The following ALK variants were observed in gnomAD, a reference collection of about 807,000 sequenced individuals.
ALK encodes the protein ALK tyrosine kinase receptor.
Under a neutral mutation model 163.1 loss-of-function variants are expected in ALK, and 74 were observed. The observed-to-expected ratio is 0.45, with a 90% CI of 0.38 to 0.55. The LOEUF (loss-of-function observed/expected upper bound fraction) is 0.55. Ranked by LOEUF, ALK falls within the 20% of genes least tolerant of loss-of-function variation. The probability of loss-of-function intolerance (pLI) is 0.00; values close to 1 mark genes in which losing one functional copy is unlikely to be tolerated. For synonymous variants in ALK, 960 were observed against 843.2 expected, an observed-to-expected ratio of 1.14 and a Z score of -2.40; for missense variants, 2,063 against 2,105.3, an observed-to-expected ratio of 0.98 and a Z score of 0.39.
intron 4 of ALK, among the ~76,000 whole-genome samples, chr2:29,448,520 T>G (rs11686232): frequency 0.86 from 131,296 of 152,126 alleles, 57,113 homozygotes; most frequent in Non-Finnish European, 0.93. Context: ...TTGCACAGGT[T>G]GGGAAATAAC....
At chr2:29,264,365 T>A (rs1558644419) in intron 11 of ALK, among the ~76,000 whole-genome samples, 1 of 152,226 alleles carries the variant, frequency 6.6e-6, no homozygotes, top group African/African-American at 2.4e-5. Flanking sequence ...GAACCTGAAG[T>A]TTTTTTCCCT....
At chr2:29,741,632 TC>T (rs746028058) in intron 1 of ALK, among the ~76,000 whole-genome samples, 40 of 152,180 alleles carry the variant, frequency 2.6e-4, no homozygotes, top group Non-Finnish European at 5.4e-4. Context: ...AGCCCATGTC[TC>T]CCCTGGTGAC....
intron 4 of ALK, among the ~76,000 whole-genome samples, chr2:29,473,770 C>A (rs568083834): frequency 1.3e-5 from 2 of 152,152 alleles, no homozygotes; most frequent in African/African-American, 4.8e-5. Flanking sequence ...GCAGGAGAAT[C>A]GCTTGAATCT....
At chr2:29,233,453 T>C (rs1163936416) in intron 14 of ALK, 112 bp downstream of exon 14, 1 of 1,523,284 alleles carries the variant, frequency 6.6e-7, no homozygotes, top group East Asian at 2.3e-5. Context: ...GCCCTGCTCA[T>C]CTTTACACGG....
At chr2:29,367,578 T>C (rs985630782) in intron 5 of ALK, among the ~76,000 whole-genome samples, 7 of 152,222 alleles carry the variant, frequency 4.6e-5, no homozygotes, top group Non-Finnish European at 7.3e-5. Context: ...TTCTGTTCCA[T>C]TGTAAGATCC....
chr2:29,642,049 C>T (rs1467620246), intron 3 of ALK, among the ~76,000 whole-genome samples: 1 of 152,130 alleles, frequency 6.6e-6, no homozygotes, highest in African/African-American at 2.4e-5. Context: ...GCTTGGATGA[C>T]CTCTCAAGTT....
intron 4 of ALK, among the ~76,000 whole-genome samples, chr2:29,509,878 C>T (rs549503188): frequency 3.3e-5 from 5 of 152,206 alleles, no homozygotes; most frequent in African/African-American, 1.2e-4. Flanking sequence ...ACAAGGCAAT[C>T]GAAAGGTAGT....
At chr2:29,396,222 G>A (rs983945955) in intron 4 of ALK, among the ~76,000 whole-genome samples, 3 of 152,256 alleles carry the variant, frequency 2.0e-5, no homozygotes, top group South Asian at 2.1e-4. Flanking sequence ...GGATAATAAC[G>A]CTGTTGCAGG....
In ALK at chr2:29,651,359, G is replaced by C. The variant is rs116965789; in HGVS notation, c.952+43491C>G. ...TAAATTATGATACCTTAAACATTCT[G>C]TTTTAACTAACACACACACACATAT... On this transcript the variant is annotated intron_variant, in intron 3 of 28. Transcript: ENST00000389048. 1.1e-3 allele frequency among the ~76,000 whole-genome samples: 160 copies of C among 152,250 alleles called. 2 individuals are homozygous for C. In the East Asian group the frequency reaches 0.026, roughly 25 times the overall value.
chr2:29,741,926 G>C (rs1680071962), intron 1 of ALK, among the ~76,000 whole-genome samples: 1 of 152,206 alleles, frequency 6.6e-6, no homozygotes, highest in Non-Finnish European at 1.5e-5. Flanking sequence ...CACCCAAAGT[G>C]CTGGGACTAA....
chr2:29,770,624 T>C (rs758463750), intron 1 of ALK, among the ~76,000 whole-genome samples: 16 of 152,136 alleles, frequency 1.1e-4, no homozygotes, highest in Non-Finnish European at 2.9e-5. Flanking sequence ...AGAAGATAAA[T>C]TACATTTGTG....
intron 5 of ALK, among the ~76,000 whole-genome samples, chr2:29,337,341 CG>C (rs1205701636): frequency 1.3e-5 from 2 of 152,090 alleles, no homozygotes; most frequent in Non-Finnish European, 2.9e-5. Context: ...ATCATGATTC[CG>C]GGAAGTGGGA....
intron 28 of ALK, among the ~76,000 whole-genome samples, chr2:29,195,112 CTG>C (rs774737210): frequency 6.6e-6 from 1 of 152,158 alleles, no homozygotes; most frequent in Non-Finnish European, 1.5e-5. Flanking sequence ...TTAGTTCCCT[CTG>C]TGTTTTAGTA....
intron 12 of ALK, among the ~76,000 whole-genome samples, chr2:29,245,731 A>C (rs1281972221): frequency 7.6e-6 from 1 of 131,624 alleles, no homozygotes. Flanking sequence ...TCCATGGCTC[A>C]GTGCCCTGCA....
intron 4 of ALK, among the ~76,000 whole-genome samples, chr2:29,464,798 C>A (rs1671168375): frequency 6.6e-6 from 1 of 152,004 alleles, no homozygotes; most frequent in South Asian, 2.1e-4. Flanking sequence ...GACAGCTCCC[C>A]CAACAAAGTA....
intron 5 of ALK, among the ~76,000 whole-genome samples, chr2:29,362,658 TCCC>T (rs1460493233): frequency 1.3e-5 from 2 of 152,130 alleles, no homozygotes; most frequent in Non-Finnish European, 2.9e-5. Flanking sequence ...CACTGCATCC[TCCC>T]CCATTTCCAC....
intron 3 of ALK, among the ~76,000 whole-genome samples, chr2:29,685,086 G>C (rs1238093732): frequency 6.6e-6 from 1 of 152,160 alleles, no homozygotes; most frequent in Non-Finnish European, 1.5e-5. Flanking sequence ...GGAATCAATT[G>C]TGACTGTGGC....
intron 5 of ALK, among the ~76,000 whole-genome samples, chr2:29,361,314 G>A (rs755310587): frequency 6.6e-6 from 1 of 152,138 alleles, no homozygotes; most frequent in South Asian, 2.1e-4. Flanking sequence ...GTTTCCCCTC[G>A]TCTCTGCTAA....
At position 29,921,311 on chromosome 2, in the gene ALK, CA is replaced by C; in HGVS notation, c.-653del. ...CGTGAATCCCAGCCCCCGCGCTGCG[CA>C]AGTTTGCAGCGTCCTTGCTCTCACC... On this transcript the variant is annotated 5_prime_UTR_variant, in exon 1 of 29. Transcript: ENST00000389048. 1 of 233,290 alleles carries C rather than the reference CA, an allele frequency of 4.3e-6. No individual in the cohort carries two copies. The highest frequency in any genetic ancestry group is 1.3e-3 in the Middle Eastern group (1 of 786). 14.5% of individuals were successfully genotyped at this position (233,290 alleles called of 1,614,324 possible).
Sources: gnomAD v4.1 joint callset for allele counts (sites outside exome capture counted in the v4.1 genomes callset) on GRCh38, gnomAD v4.1.1 for gene constraint, MANE v1.5 for transcripts, NCBI Gene and HGNC (gene_info 2026-07-23, HGNC 2026-07-21) for gene names.